MYO18A: variants seen among roughly 807,000 people sequenced by gnomAD.
The protein encoded by MYO18A is unconventional myosin-XVIIIa.
Under a neutral mutation model 235.8 loss-of-function variants are expected in MYO18A, and 78 were observed. The ratio of observed to expected loss-of-function variants is 0.33; its 90% CI spans 0.28 to 0.40. The LOEUF is 0.40. MYO18A is among the 10% of genes least tolerant of loss of function. The probability of loss-of-function intolerance (pLI) is 1.00; values close to 1 mark genes in which losing one functional copy is unlikely to be tolerated. For synonymous variants in MYO18A, 977 were observed against 1,077.8 expected, an observed-to-expected ratio of 0.91 and a Z score of 1.83; for missense variants, 2,215 against 2,699.3, an observed-to-expected ratio of 0.82 and a Z score of 3.98.
intron 1 of MYO18A, among the ~76,000 whole-genome samples, chr17:29,179,021 A>G (rs1207142814): frequency 6.6e-6 from 1 of 152,134 alleles, no homozygotes; most frequent in African/African-American, 2.4e-5. Flanking sequence ...ACGAACCCAC[A>G]CTAACTAGCC....
intron 21 of MYO18A, among the ~76,000 whole-genome samples, chr17:29,102,242 TC>T (rs2066672261): frequency 6.6e-6 from 1 of 152,196 alleles, no homozygotes; most frequent in African/African-American, 2.4e-5. Context: ...AGAGGCCCTT[TC>T]CTGCCCTTCC....
Position 29,109,805 on chromosome 17 carries a change from C to A in MYO18A, c.3331+53G>T, listed in dbSNP as rs896406661. 3.3e-6 allele frequency: 5 copies of A among 1,533,930 alleles called. No homozygotes were observed. The highest frequency in any genetic ancestry group is 4.4e-6 in the Non-Finnish European group (5 of 1,135,438). On this transcript the variant is annotated intron_variant, in intron 19 of 41. Transcript: ENST00000527372. The surrounding 1 kb of genome is among the most constrained non-coding windows in gnomAD (Gnocchi z 4.1). ...GTCGCAGGTGGGAGGTGGGGCCGGG[C>A]AGGGCCAGCTCTGGAAAAGAGAGCC... is the stretch of plus-strand genomic sequence containing the variant.
In MYO18A at chr17:29,121,879, A is replaced by T. The variant is rs776773839; in HGVS notation, c.1166T>A (p.Leu389Gln). The T allele has an allele frequency of 6.2e-7, 1 of 1,613,622 alleles. No individual in the cohort carries two copies. The highest frequency in any genetic ancestry group is 8.5e-7 in the Non-Finnish European group (1 of 1,179,806). The change falls in exon 4 of 42, where the codon CTG becomes CAG. Residue 389 changes from leucine to glutamine, a missense_variant. Transcript: ENST00000527372. The surrounding 1 kb of genome is among the most constrained non-coding windows in gnomAD (Gnocchi z 4.2). ...RVKLDHDGAI[L>Q]DVDEDDVEKA... is the part of the protein sequence containing the mutation. ...CTCAACGTCATCCTCATCCACATCC[A>T]GGATGGCCCCATCGTGGTCCAGCTT...
intron 2 of MYO18A, among the ~76,000 whole-genome samples, chr17:29,156,957 C>T (rs2068077362): frequency 6.6e-6 from 1 of 152,236 alleles, no homozygotes; most frequent in Non-Finnish European, 1.5e-5. Context: ...CTGTGCTCCG[C>T]CACTGTTTTT....
intron 2 of MYO18A, among the ~76,000 whole-genome samples, chr17:29,139,348 C>T (rs1440553210): frequency 1.3e-5 from 2 of 152,142 alleles, no homozygotes; most frequent in Non-Finnish European, 2.9e-5. Flanking sequence ...GTGCTAGTGG[C>T]CCGGGGGTGG....
chr17:29,090,275 G>C, intron 36 of MYO18A, 177 bp from the exon 37 acceptor site: 1 of 730,868 alleles, frequency 1.4e-6, no homozygotes, highest in Non-Finnish European at 2.2e-6. Flanking sequence ...CCAGTGCTTG[G>C]CACAGAGATT....
chr17:29,094,377 G>A, intron 30 of MYO18A: 5 of 599,304 alleles, frequency 8.3e-6, no homozygotes, highest in South Asian at 8.1e-5. Context: ...TGGGTAGCAG[G>A]CTGGGTGGGC....
intron 40 of MYO18A, among the ~76,000 whole-genome samples, chr17:29,082,651 C>T (rs1013907533): frequency 6.6e-6 from 1 of 152,078 alleles, no homozygotes; most frequent in African/African-American, 2.4e-5. Context: ...GTGACAACCA[C>T]CAAGAAGACC....
rs1365243490 is a variant in MYO18A at position 29,125,434 on chromosome 17, C to T, written c.1000-3181G>A. Among the ~76,000 whole-genome samples, 1 of 152,246 alleles carries T rather than the reference C, an allele frequency of 6.6e-6. No individual in the cohort carries two copies. Among genetic ancestry groups the T allele is most frequent in the African/African-American group, 2.4e-5 (1 of 41,462 alleles). On this transcript the variant is annotated intron_variant, in intron 2 of 41. Coordinates refer to ENST00000527372, the MANE Select transcript of MYO18A (RefSeq NM_078471.4). This position sits in a 1 kb window ranked among gnomAD's most constrained non-coding sequence, Gnocchi z 5.1. ...AACCCTGTGGCCAGCCGTGACCTCT[C>T]TGGTTACTTAAAGCCCTGAAAAGCC... is the stretch of plus-strand genomic sequence containing the variant.
intron 41 of MYO18A, chr17:29,077,246 C>T (rs569816776): frequency 3.3e-5 from 5 of 152,354 alleles, no homozygotes; most frequent in South Asian, 2.1e-4. Context: ...AACAGCAGGC[C>T]GCTGCCCTCC....
At chr17:29,097,764 G>A (rs192790869) in intron 26 of MYO18A, 24 bp downstream of exon 26, 381 of 1,595,434 alleles carry the variant, frequency 2.4e-4, no homozygotes, top group East Asian at 4.3e-4. Flanking sequence ...GGCCACTGCC[G>A]AGCTCCTTGG....
intron 28 of MYO18A, among the ~76,000 whole-genome samples, chr17:29,095,499 C>G (rs570567817): frequency 1.1e-4 from 17 of 152,228 alleles, no homozygotes; most frequent in Non-Finnish European, 2.2e-4. Flanking sequence ...AGCTCCTTGC[C>G]CCTGCCTCTG....
chr17:29,089,603 T>G (rs1300409334), intron 37 of MYO18A, among the ~76,000 whole-genome samples: 1 of 151,864 alleles, frequency 6.6e-6, no homozygotes, highest in East Asian at 1.9e-4. Context: ...GATTCCAGCC[T>G]GCGCAGAAGT....
intron 15 of MYO18A, among the ~76,000 whole-genome samples, chr17:29,112,207 T>C (rs1019336659): frequency 6.6e-6 from 1 of 152,190 alleles, no homozygotes; most frequent in Non-Finnish European, 1.5e-5. Flanking sequence ...GGGACTTGGA[T>C]GAACCCCACA....
chr17:29,119,494 C>T, intron 7 of MYO18A, 59 bp from the exon 8 acceptor site: 5 of 1,320,642 alleles, frequency 3.8e-6, no homozygotes, highest in Admixed American at 2.1e-5. Flanking sequence ...GTTTCTCCCA[C>T]CCCACATAAG....
In MYO18A at chr17:29,126,840, G is replaced by A. The variant is rs2067333362; in HGVS notation, c.1000-4587C>T. On this transcript the variant is annotated intron_variant, in intron 2 of 41. Transcript: ENST00000527372. The surrounding 1 kb of genome is among the most constrained non-coding windows in gnomAD (Gnocchi z 4.1). ...AGAGGCTGGACTGACCCTCCCTCCT[G>A]CTTCTCAGCCTCCTGCCCCACCCAG... 6.6e-6 allele frequency among the ~76,000 whole-genome samples: 1 copy of A among 152,060 alleles called. No individual in the cohort carries two copies. The highest frequency in any genetic ancestry group is 1.5e-5 in the Non-Finnish European group (1 of 67,992).
At chr17:29,093,525 G>A (rs2066450750) in intron 31 of MYO18A, 98 bp from the exon 32 acceptor site, 1 of 876,246 alleles carries the variant, frequency 1.1e-6, no homozygotes, top group African/African-American at 1.6e-5. Context: ...GAAAACAGTG[G>A]GGCAGGCCTG....
At chr17:29,113,900 C>G in intron 15 of MYO18A, 111 bp downstream of exon 15, 1 of 833,548 alleles carries the variant, frequency 1.2e-6, no homozygotes, top group Non-Finnish European at 1.9e-6. Flanking sequence ...GACCCTCCCT[C>G]AGCCCACAGT....
In MYO18A at chr17:29,109,950, C is replaced by A. The variant is rs1381154378; in HGVS notation, c.3239G>T (p.Cys1080Phe). 2 of 1,608,216 alleles carry A rather than the reference C, an allele frequency of 1.2e-6. No homozygotes were observed. The highest frequency in any genetic ancestry group is 4.5e-5 in the East Asian group (2 of 44,640). Residue 1080 changes from cysteine (C) to phenylalanine (F), a missense_variant, in exon 19 of 42, where the codon TGC (cysteine) becomes TTC (phenylalanine). Physicochemically the swap from Cys to Phe is radical, Grantham distance 205. Coordinates refer to ENST00000527372, the MANE Select transcript of MYO18A (RefSeq NM_078471.4). The surrounding 1 kb of genome is among the most constrained non-coding windows in gnomAD (Gnocchi z 4.1). ...SELDLPSGDH[C>F]EAGLLQLDVP... ...GTCGAGCTGCAGGAGCCCAGCCTCG[C>A]AGTGGTCTCCCGAGGGCAGGTCCAG...
Sources: allele counts gnomAD v4.1 joint callset (sites outside exome capture counted in the v4.1 genomes callset), GRCh38; gene constraint gnomAD v4.1.1; non-coding constraint Gnocchi (gnomAD v3.1); transcripts MANE v1.5; gene names NCBI Gene and HGNC (gene_info 2026-07-23, HGNC 2026-07-21).